Variants in CDH3 observed in about 807,000 individuals in gnomAD.
CDH3 encodes cadherin-3.
In CDH3, 54 loss-of-function variants were observed where a neutral mutation model predicts 82.0. The observed-to-expected ratio is 0.66, with a 90% CI of 0.53 to 0.83. The LOEUF (loss-of-function observed/expected upper bound fraction) is 0.83, where lower values mean the gene tolerates loss of function less well. CDH3 is among the 40% of genes least tolerant of loss of function. CDH3 has a pLI of 0.00. For synonymous variants in CDH3, 446 were observed against 437.9 expected (o/e 1.02, Z -0.23); for missense variants, 1,054 against 1,084.6 (o/e 0.97, Z 0.40).
intron 2 of CDH3, among the ~76,000 whole-genome samples, chr16:68,724,859 C>T: frequency 6.6e-6 from 1 of 152,114 alleles, no homozygotes. Flanking sequence ...TGTCTCCAAA[C>T]ATCTTTGGTG....
At chr16:68,700,653 A>G (rs1367450270), downstream of CDH3, among the ~76,000 whole-genome samples, 1 of 152,178 alleles carries the variant, frequency 6.6e-6, no homozygotes, top group East Asian at 1.9e-4. Flanking sequence ...GTGCAGAGTT[A>G]TAGGCGTGAG....
chr16:68,712,624 T>C (rs1473366470), intron 1 of CDH3, among the ~76,000 whole-genome samples: 1 of 151,900 alleles, frequency 6.6e-6, no homozygotes, highest in Admixed American at 6.6e-5. Flanking sequence ...ATTTGACAGA[T>C]ATGGGAGAAC....
intron 1 of CDH3, among the ~76,000 whole-genome samples, chr16:68,712,842 C>T (rs1962047395): frequency 6.6e-6 from 1 of 152,076 alleles, no homozygotes; most frequent in African/African-American, 2.4e-5. Flanking sequence ...CCACCATGCC[C>T]AGCTAATTTT....
rs575879954 is a variant in CDH3 at position 68,681,833 on chromosome 16, C to CT, written c.997-468dup. On this transcript the variant is annotated intron_variant, in intron 8 of 15. Transcript: ENST00000264012. ...AGCCTGAGCGGCAGACTGAGACTGT[C>CT]TAAAAAAATAAAATAAAAATAAATA... 2.6e-3 allele frequency among the ~76,000 whole-genome samples: 388 copies of CT among 152,056 alleles called. 5 individuals are homozygous for CT. Among genetic ancestry groups the CT allele is most frequent in the African/African-American group, 9.0e-3 (372 of 41,372 alleles).
At chr16:68,723,160 C>T (rs2152111450) in intron 2 of CDH3, among the ~76,000 whole-genome samples, 1 of 151,852 alleles carries the variant, frequency 6.6e-6, no homozygotes, top group Non-Finnish European at 1.5e-5. Context: ...TATGAACTCA[C>T]CACTCAGCCC....
At chr16:68,705,222 G>A (rs34592833), downstream of CDH3, among the ~76,000 whole-genome samples, 36,101 of 152,078 alleles carry the variant, frequency 0.24, 4,604 homozygotes, top group Admixed American at 0.29. Context: ...CAGGCAGGCC[G>A]TAGAAGGTGC....
intron 13 of CDH3, 104 bp from the exon 14 acceptor site, chr16:68,695,151 C>G (rs528063780): frequency 1.6e-4 from 188 of 1,193,742 alleles, no homozygotes; most frequent in Non-Finnish European, 2.1e-4. Context: ...TAAGCTCTGG[C>G]TACTGAGTGA....
chr16:68,677,993 C>T (rs1961079293), intron 3 of CDH3, 141 bp from the exon 4 acceptor site: 1 of 782,354 alleles, frequency 1.3e-6, no homozygotes, highest in Non-Finnish European at 2.2e-6. Flanking sequence ...AACTCCTGGG[C>T]TCAAGTGACC....
intron 11 of CDH3, among the ~76,000 whole-genome samples, chr16:68,686,063 C>T (rs1267720566): frequency 1.3e-5 from 2 of 152,228 alleles, no homozygotes; most frequent in African/African-American, 2.4e-5. Flanking sequence ...AGCCTATAAT[C>T]CCAGCACTGT....
intron 7 of CDH3, 110 bp from the exon 8 acceptor site, chr16:68,680,858 A>C: frequency 9.0e-6 from 11 of 1,222,674 alleles, no homozygotes; most frequent in African/African-American, 1.5e-5. Context: ...TATGATAGGG[A>C]GAGATCCTCC....
At chr16:68,657,327 A>G (rs1411848434) in intron 2 of CDH3, among the ~76,000 whole-genome samples, 1 of 152,114 alleles carries the variant, frequency 6.6e-6, no homozygotes, top group Non-Finnish European at 1.5e-5. Context: ...CAGCCTGGCC[A>G]ACATGGTGAA....
intron 2 of CDH3, among the ~76,000 whole-genome samples, chr16:68,648,026 C>G (rs1400610863): frequency 6.6e-6 from 1 of 152,176 alleles, no homozygotes; most frequent in African/African-American, 2.4e-5. Flanking sequence ...CCCTTCAAAG[C>G]CCTTTTGCAA....
At chr16:68,705,936 G>A (rs377125495) in intron 1 of CDH3, among the ~76,000 whole-genome samples, 10 of 151,372 alleles carry the variant, frequency 6.6e-5, no homozygotes, top group South Asian at 2.1e-4. Context: ...GTGGTGGCAC[G>A]TGCCTGTAGT....
At chr16:68,724,618 A>T (rs1484421364) in intron 2 of CDH3, among the ~76,000 whole-genome samples, 1 of 102,798 alleles carries the variant, frequency 9.7e-6, no homozygotes, top group Non-Finnish European at 2.2e-5. Flanking sequence ...CAGAGGCGAG[A>T]CCCTATTATT....
chr16:68,696,139 G>A (rs539016593), intron 15 of CDH3: 4 of 608,954 alleles, frequency 6.6e-6, no homozygotes, highest in Non-Finnish European at 1.2e-5. Flanking sequence ...GATTAGGAGG[G>A]GCTGGGCACG....
At chr16:68,723,289 C>T (rs1411068893) in intron 2 of CDH3, among the ~76,000 whole-genome samples, 1 of 152,052 alleles carries the variant, frequency 6.6e-6, no homozygotes, top group African/African-American at 2.4e-5. Context: ...TTATTCATAA[C>T]ATTTACATTT....
chr16:68,683,603 G>C (rs1961291737), intron 9 of CDH3, among the ~76,000 whole-genome samples: 1 of 131,330 alleles, frequency 7.6e-6, no homozygotes, highest in Admixed American at 9.2e-5. Flanking sequence ...AGTGAGCCGA[G>C]ATCGCACCAC....
At chr16:68,728,305 G>A (rs899429148), downstream of CDH3, among the ~76,000 whole-genome samples, 10 of 152,062 alleles carry the variant, frequency 6.6e-5, no homozygotes, top group South Asian at 2.1e-4. Context: ...AGCTGGGACT[G>A]CAGGCGCCCG....
chr16:68,702,676 C>A (rs1961911198), downstream of CDH3, among the ~76,000 whole-genome samples: 1 of 152,010 alleles, frequency 6.6e-6, no homozygotes, highest in South Asian at 2.1e-4. Flanking sequence ...ACCAGCCTGG[C>A]CAACATGGTG....
Sources: gnomAD v4.1 joint callset for allele counts (sites outside exome capture counted in the v4.1 genomes callset) on GRCh38, gnomAD v4.1.1 for gene constraint, MANE v1.5 for transcripts, NCBI Gene and HGNC (gene_info 2026-07-23, HGNC 2026-07-21) for gene names.